Variants in ATRX observed in about 807,000 individuals in gnomAD.
The protein encoded by ATRX is chromatin remodeler ATRX.
A neutral mutation model predicts 172.6 loss-of-function variants in ATRX; 12 were observed. That is an observed-to-expected ratio of 0.07 (90% confidence interval 0.04 to 0.11). The LOEUF is 0.11. Among genes scored for constraint, ATRX ranks in the 10% least tolerant of loss-of-function variants. The pLI is 1.00. For synonymous variants in ATRX, 674 were observed against 594.7 expected, an observed-to-expected ratio of 1.13 and a Z score of -1.94; for missense variants, 1,368 against 1,767.4, an observed-to-expected ratio of 0.77 and a Z score of 4.05.
At chrX:77,546,648 A>T (rs1251795698) in intron 30 of ATRX, among the ~76,000 whole-genome samples, 1 of 111,427 alleles carries the variant, frequency 9.0e-6, no homozygotes, top group Admixed American at 9.6e-5. Flanking sequence ...CATGCCACCA[A>T]GCCTGGCTAA....
Position 77,572,448 on chromosome X carries a change from T to C in ATRX, c.6326+1802A>G, listed in dbSNP as rs183882268. 3.0e-3 allele frequency among the ~76,000 whole-genome samples: 336 copies of C among 111,749 alleles called. 5 individuals are homozygous for C. Among genetic ancestry groups the C allele is most frequent in the Non-Finnish European group, 3.5e-3 (188 of 52,997 alleles). On this transcript the variant is annotated intron_variant, in intron 28 of 34. Transcript: ENST00000373344. The stretch of plus-strand genomic sequence containing the variant: ...GGATAAGAAATACTCAACCAGTATA[T>C]GCCTGAAGCATGAATTTGAATGACA...
At chrX:77,669,491 T>C (rs1214332564) in intron 10 of ATRX, among the ~76,000 whole-genome samples, 2 of 110,130 alleles carry the variant, frequency 1.8e-5, no homozygotes, top group East Asian at 5.7e-4. Flanking sequence ...ACCCAGCTAA[T>C]TGTTGTAGTT....
chrX:77,572,908 G>A (rs782429086), intron 28 of ATRX, among the ~76,000 whole-genome samples: 1 of 111,461 alleles, frequency 9.0e-6, no homozygotes, highest in Non-Finnish European at 1.9e-5. Context: ...CCTAGGTCTA[G>A]TTCATGATGC....
At position 77,682,547 on chromosome X, in the gene ATRX, T is replaced by A; in HGVS notation, c.2709A>T (p.Glu903Asp). The A allele has an allele frequency of 8.3e-7, 1 of 1,211,531 alleles. No homozygotes were observed. The highest frequency in any genetic ancestry group is 1.1e-6 in the Non-Finnish European group (1 of 895,412). ...GCTTCTTAGGAAGTCGATCTCTTAATTCCATGATGGTCGTGTCTTTATCAA... is the reference window on the plus strand; with the variant it reads ...GCTTCTTAGGAAGTCGATCTCTTAAATCCATGATGGTCGTGTCTTTATCAA... The part of the protein sequence containing the change: ...GTVDKDTTIM[E>D]LRDRLPKKQQ... The change falls in exon 9 of 35, where the codon GAA (glutamate) becomes GAT (aspartate). Residue 903 changes from glutamate (E) to aspartate (D), a missense_variant. Glu to Asp is a conservative substitution (Grantham distance 45). Transcript: ENST00000373344.
At chrX:77,709,001 G>A (rs1440114845) in intron 2 of ATRX, among the ~76,000 whole-genome samples, 2 of 112,370 alleles carry the variant, frequency 1.8e-5, no homozygotes, top group Non-Finnish European at 3.8e-5. Flanking sequence ...GAGGCCAGGA[G>A]TCTGAGACCA....
At chrX:77,762,092 G>A (rs1404371197) in intron 1 of ATRX, among the ~76,000 whole-genome samples, 1 of 109,775 alleles carries the variant, frequency 9.1e-6, no homozygotes, top group Non-Finnish European at 1.9e-5. Context: ...CACGAGGTCA[G>A]GAGATCAAGA....
At position 77,681,724 on chromosome X, in the gene ATRX, CCTT is replaced by C; in HGVS notation, c.3529_3531del (p.Lys1177del). The C allele has an allele frequency of 1.7e-6, 2 of 1,206,359 alleles. No homozygotes were observed. Among genetic ancestry groups the C allele is most frequent in the Non-Finnish European group, 2.2e-6 (2 of 894,033 alleles). Reference sequence around the variant, plus strand: ...CTCTTTTTCTCCTTGACAATGACTGCCTTCTTTTTAGATGAAGTTCTTTGCTTC... The same window carrying C: ...CTCTTTTTCTCCTTGACAATGACTGCCTTTTTAGATGAAGTTCTTTGCTTC... On this transcript the variant is annotated inframe_deletion, in exon 9 of 35. Coordinates refer to ENST00000373344, the MANE Select transcript of ATRX (RefSeq NM_000489.6).
At chrX:77,717,416 T>C (rs1439759202) in intron 1 of ATRX, among the ~76,000 whole-genome samples, 173 bp from the exon 2 acceptor site, 1 of 110,480 alleles carries the variant, frequency 9.1e-6, no homozygotes, top group Non-Finnish European at 1.9e-5. Context: ...AGAAAAAATA[T>C]TAAAGAAAAC....
At chrX:77,656,040 A>G (rs1215903041) in intron 13 of ATRX, among the ~76,000 whole-genome samples, 1 of 111,877 alleles carries the variant, frequency 8.9e-6, no homozygotes, top group African/African-American at 3.2e-5. Context: ...AAGAACAAGC[A>G]TATCATTATT....
chrX:77,735,463 A>G (rs2074500131), intron 1 of ATRX, among the ~76,000 whole-genome samples: 1 of 110,475 alleles, frequency 9.1e-6, no homozygotes, highest in Non-Finnish European at 1.9e-5. Context: ...ACAGTGACGG[A>G]CGCCTGTAGT....
intron 31 of ATRX, among the ~76,000 whole-genome samples, chrX:77,522,730 C>T (rs1483672987): frequency 2.7e-5 from 3 of 111,910 alleles, no homozygotes; most frequent in African/African-American, 9.7e-5. Flanking sequence ...GTTTCCCATG[C>T]TCAGGCACAT....
intron 15 of ATRX, among the ~76,000 whole-genome samples, chrX:77,646,568 T>A (rs1356860832): frequency 9.0e-6 from 1 of 111,135 alleles, no homozygotes. Context: ...CCAATATCAA[T>A]AAAAGCGTAA....
Position 77,508,162 on chromosome X carries a change from A to G in ATRX, c.*189T>C, listed in dbSNP as rs781886597. The G allele has an allele frequency of 6.2e-5, 29 of 470,011 alleles. No individual in the cohort carries two copies. The highest frequency in any genetic ancestry group is 9.1e-5 in the Non-Finnish European group (26 of 285,857). The allele number at this position is 470,011 out of a possible 1,213,427, so 38.7% of individuals were successfully genotyped here. ...CGTGTGTAAGAAGATTCTAGGCAAC[A>G]TCACTGACAAATGTCAGGAAGAAAT... is the stretch of plus-strand genomic sequence containing the variant. On this transcript the variant is annotated 3_prime_UTR_variant, in exon 35 of 35. Coordinates refer to ENST00000373344, the MANE Select transcript of ATRX (RefSeq NM_000489.6).
At chrX:77,511,800 C>T (rs1158161076) in intron 34 of ATRX, among the ~76,000 whole-genome samples, 1 of 111,290 alleles carries the variant, frequency 9.0e-6, no homozygotes, top group Non-Finnish European at 1.9e-5. Context: ...GAACAAAAAA[C>T]AATGAAGCAC....
At chrX:77,737,296 G>A (rs1191956989) in intron 1 of ATRX, among the ~76,000 whole-genome samples, 2 of 107,705 alleles carry the variant, frequency 1.9e-5, no homozygotes, top group Admixed American at 1.0e-4. Context: ...GGTGGTGGGC[G>A]CCTGTAATCC....
At chrX:77,733,706 TAAAAAAA>T (rs1244088795) in intron 1 of ATRX, among the ~76,000 whole-genome samples, 1 of 33,039 alleles carries the variant, frequency 3.0e-5, no homozygotes, top group African/African-American at 1.2e-4. Flanking sequence ...CCATCTATGC[TAAAAAAA>T]AAAAAAAAAA....
rs1557118787 is a variant in ATRX, at chrX:77,654,183, TCTG to T, written c.4229_4231del (p.Ala1410del). 2.5e-6 allele frequency: 3 copies of T among 1,209,277 alleles called. No individual in the cohort carries two copies. The highest frequency in any genetic ancestry group is 2.2e-5 in the Admixed American group (1 of 46,047). Reference sequence around the variant, plus strand: ...ATAGCTCCGCTGATTTTCTTCCAACTCTGCTTTCTTTGCAGACCTGACGAAAAT... The same window carrying T: ...ATAGCTCCGCTGATTTTCTTCCAACTCTTTCTTTGCAGACCTGACGAAAAT... On this transcript the variant is annotated inframe_deletion, in exon 14 of 35. Transcript: ENST00000373344.
chrX:77,664,083 A>G (rs1379229608), intron 11 of ATRX, among the ~76,000 whole-genome samples: 1 of 107,906 alleles, frequency 9.3e-6, no homozygotes, highest in Non-Finnish European at 1.9e-5. Flanking sequence ...CCTGGGCAAC[A>G]AGAGCAAAAC....
At chrX:77,703,275 G>A (rs782408697) in intron 2 of ATRX, among the ~76,000 whole-genome samples, 29 of 112,881 alleles carry the variant, frequency 2.6e-4, no homozygotes, top group Non-Finnish European at 4.9e-4. Flanking sequence ...GGCTACACTC[G>A]GCTCATGCTA....
Sources: gnomAD v4.1 joint callset for allele counts (sites outside exome capture counted in the v4.1 genomes callset) on GRCh38, gnomAD v4.1.1 for gene constraint, MANE v1.5 for transcripts, NCBI Gene and HGNC (gene_info 2026-07-23, HGNC 2026-07-21) for gene names.